The following TENM2 variants were observed in gnomAD, a reference collection of about 807,000 sequenced individuals.
TENM2 encodes teneurin transmembrane protein 2.
TENM2 carries 52 observed loss-of-function variants against 245.2 expected under a neutral mutation model. That is an observed-to-expected ratio of 0.21 (90% CI 0.17 to 0.27). The LOEUF (loss-of-function observed/expected upper bound fraction) is 0.27, where lower values mean the gene tolerates loss of function less well. Among genes scored for constraint, TENM2 ranks in the 10% least tolerant of loss-of-function variants. The pLI is 1.00. For synonymous variants in TENM2, 1,363 were observed against 1,438.9 expected (o/e 0.95, Z 1.19); for missense variants, 3,046 against 3,666.8 (o/e 0.83, Z 4.37).
intron 2 of TENM2, among the ~76,000 whole-genome samples, chr5:167,503,216 T>C (rs2127559260): frequency 1.3e-5 from 2 of 152,326 alleles, no homozygotes; most frequent in South Asian, 4.1e-4. Flanking sequence ...AATAATTCAC[T>C]ATCCCACAAT....
At chr5:167,001,871 A>G in the TENM2 span, among the ~76,000 whole-genome samples, 2 of 151,982 alleles carry the variant, frequency 1.3e-5, no homozygotes, top group Non-Finnish European at 2.9e-5. Context: ...GGAGTCTCCA[A>G]ATGCTTATTT....
At chr5:167,062,445 C>T in the TENM2 span, among the ~76,000 whole-genome samples, 1 of 150,468 alleles carries the variant, frequency 6.6e-6, no homozygotes, top group Non-Finnish European at 1.5e-5. Context: ...TAAAAAAGAA[C>T]TCAGGTTGGA....
chr5:167,217,953 T>G, the TENM2 span, among the ~76,000 whole-genome samples: 2 of 151,864 alleles, frequency 1.3e-5, no homozygotes, highest in African/African-American at 4.8e-5. Context: ...TCTTCACAGT[T>G]CCCAAACTGT....
rs770639060 is a variant in TENM2, at chr5:168,228,118, C to A, written c.5508C>A (p.Gly1836=). 25 of 1,599,518 alleles carry A rather than the reference C, an allele frequency of 1.6e-5. No individual in the cohort carries two copies. In the Admixed American group the frequency reaches 4.3e-4, roughly 27 times the overall value. The change falls in exon 25 of 29, where the codon GGC becomes GGA. Residue 1836 remains glycine, a synonymous_variant. Coordinates refer to ENST00000518659, the Ensembl canonical transcript of TENM2. ...TTAAAGGCAAAGTCACCATCTTTGG[C>A]AGGAAGCTCCGGGTAAGTGGTTCCA...
the TENM2 span, among the ~76,000 whole-genome samples, chr5:167,130,595 GA>G: frequency 6.6e-6 from 1 of 152,120 alleles, no homozygotes; most frequent in African/African-American, 2.4e-5. Flanking sequence ...CCCATCCGAA[GA>G]GCCCTGCCAT....
At chr5:167,401,229 G>A (rs993230637) in intron 2 of TENM2, among the ~76,000 whole-genome samples, 4 of 151,946 alleles carry the variant, frequency 2.6e-5, no homozygotes, top group African/African-American at 7.3e-5. Context: ...GTAGACAATC[G>A]AACGGTGTCT....
At chr5:168,106,086 G>A (rs556337525) in intron 9 of TENM2, among the ~76,000 whole-genome samples, 15 of 152,096 alleles carry the variant, frequency 9.9e-5, no homozygotes, top group African/African-American at 2.4e-4. Flanking sequence ...CACCAGAGCC[G>A]TAGTTGTTAG....
chr5:168,259,867 A>G (rs1312800112), intron 27 of TENM2, among the ~76,000 whole-genome samples: 3 of 152,256 alleles, frequency 2.0e-5, no homozygotes, highest in Admixed American at 2.0e-4. Flanking sequence ...TTAATGTGCC[A>G]GGCACTGCGA....
At chr5:167,662,238 A>C (rs868066854) in intron 2 of TENM2, among the ~76,000 whole-genome samples, 1 of 152,126 alleles carries the variant, frequency 6.6e-6, no homozygotes, top group South Asian at 2.1e-4. Context: ...TTCTTGCTAG[A>C]TTGGGTATGG....
chr5:167,179,581 C>T, the TENM2 span, among the ~76,000 whole-genome samples: 169 of 152,162 alleles, frequency 1.1e-3, no homozygotes, highest in African/African-American at 4.0e-3. Context: ...TTGAGCCCCA[C>T]CCCCGCAACC....
chr5:168,055,699 G>A (rs1410003546), intron 6 of TENM2, among the ~76,000 whole-genome samples: 1 of 152,190 alleles, frequency 6.6e-6, no homozygotes, highest in African/African-American at 2.4e-5. Flanking sequence ...CTGAAAAAAA[G>A]TACTTACAGC....
intron 2 of TENM2, among the ~76,000 whole-genome samples, chr5:167,478,436 G>T (rs1767538892): frequency 6.6e-6 from 1 of 152,172 alleles, no homozygotes; most frequent in Non-Finnish European, 1.5e-5. Flanking sequence ...AAACGGCATA[G>T]ACTCTGGACT....
the TENM2 span, among the ~76,000 whole-genome samples, chr5:167,023,443 G>C: frequency 6.6e-6 from 1 of 152,146 alleles, no homozygotes; most frequent in African/African-American, 2.4e-5. Flanking sequence ...AACCATCAGA[G>C]GGTTAGTTGA....
rs1485405126 is a variant in TENM2 at position 168,247,556 on chromosome 5, A to G, written c.6617A>G (p.Asp2206Gly). 1 of 1,612,922 alleles carries G rather than the reference A, an allele frequency of 6.2e-7. No homozygotes were observed. The highest frequency in any genetic ancestry group is 8.5e-7 in the Non-Finnish European group (1 of 1,178,996). Reference sequence around the variant, plus strand: ...ACCACGAAGTACACCTATGACTACGATGGGGACGGGCAGCTCCAGAGCGTG... The same window carrying G: ...ACCACGAAGTACACCTATGACTACGGTGGGGACGGGCAGCTCCAGAGCGTG... Residue 2206 changes from aspartate (D) to glycine (G), a missense_variant, in exon 27 of 29, where the codon GAT becomes GGT. Around this residue, in one of 2 missense-constraint regions of TENM2, gnomAD observed 2,704 missense variants for 3,331.9 expected, o/e 0.81. Coordinates refer to ENST00000518659, the Ensembl canonical transcript of TENM2. The surrounding 1 kb of genome is among the most constrained non-coding windows in gnomAD (Gnocchi z 7.8).
the TENM2 span, among the ~76,000 whole-genome samples, chr5:166,993,797 T>C: frequency 1.3e-5 from 2 of 152,096 alleles, no homozygotes; most frequent in East Asian, 3.9e-4. Flanking sequence ...ACCGACACAA[T>C]TTCGGGAGGA....
chr5:167,465,566 A>G (rs1295993885), intron 2 of TENM2, among the ~76,000 whole-genome samples: 1 of 152,218 alleles, frequency 6.6e-6, no homozygotes, highest in Non-Finnish European at 1.5e-5. Flanking sequence ...GCGGTGGCTC[A>G]CGCCTGTAAT....
chr5:167,882,296 C>A (rs1001136971), intron 3 of TENM2, among the ~76,000 whole-genome samples: 2 of 152,182 alleles, frequency 1.3e-5, no homozygotes, highest in African/African-American at 4.8e-5. Flanking sequence ...TCCCTAAGCT[C>A]AGGAGGGGCT....
chr5:167,676,388 T>G (rs942327263), intron 2 of TENM2, among the ~76,000 whole-genome samples: 6 of 152,058 alleles, frequency 3.9e-5, no homozygotes, highest in Admixed American at 6.6e-5. Flanking sequence ...GGTTCCCGGT[T>G]TAATTGGGAA....
intron 2 of TENM2, among the ~76,000 whole-genome samples, chr5:167,753,877 G>A (rs1449288201): frequency 6.6e-6 from 1 of 152,188 alleles, no homozygotes; most frequent in Non-Finnish European, 1.5e-5. Context: ...TGCAGGCAGA[G>A]GTGCCTTCCT....
Sources: gnomAD v4.1 joint callset for allele counts (sites outside exome capture counted in the v4.1 genomes callset) on GRCh38, gnomAD v4.1.1 for gene constraint, gnomAD v4.1.1 regional missense constraint, Gnocchi (gnomAD v3.1) non-coding constraint, MANE v1.5 for transcripts, NCBI Gene and HGNC (gene_info 2026-07-23, HGNC 2026-07-21) for gene names.